The following GOLGA5 variants were observed in gnomAD, a reference collection of about 807,000 sequenced individuals.
GOLGA5 encodes golgin A5, also known as golgin subfamily A member 5.
In GOLGA5, 50 loss-of-function variants were observed where a neutral mutation model predicts 93.5. The ratio of observed to expected loss-of-function variants is 0.53; its 90% confidence interval spans 0.43 to 0.68. GOLGA5 has a LOEUF of 0.68. GOLGA5 is among the 30% of genes least tolerant of loss of function. The probability of loss-of-function intolerance (pLI) is 0.00; values close to 1 mark genes in which losing one functional copy is unlikely to be tolerated. For missense variants in GOLGA5, 760 were observed against 856.4 expected (o/e 0.89, Z 1.40); for synonymous variants, 312 against 304.5 (o/e 1.02, Z -0.26).
chr14:92,828,587 A>G (rs368767119), intron 9 of GOLGA5, among the ~76,000 whole-genome samples: 3 of 151,460 alleles, frequency 2.0e-5, no homozygotes, highest in Non-Finnish European at 3.0e-5. Context: ...ATGAAATCAT[A>G]CCTGCCAATA....
intron 2 of GOLGA5, among the ~76,000 whole-genome samples, chr14:92,800,661 T>C (rs1411568394): frequency 1.3e-5 from 2 of 152,200 alleles, no homozygotes; most frequent in Non-Finnish European, 2.9e-5. Context: ...GCTTCCTGAA[T>C]CGTTATTTTC....
chr14:92,807,191 A>G (rs113080946), intron 3 of GOLGA5, among the ~76,000 whole-genome samples: 9 of 152,244 alleles, frequency 5.9e-5, no homozygotes, highest in Admixed American at 2.0e-4. Context: ...AATCCCAGCC[A>G]CTCAGGAGGC....
intron 12 of GOLGA5, 56 bp downstream of exon 12, chr14:92,837,505 TTTTTG>T: frequency 2.5e-6 from 2 of 790,964 alleles, no homozygotes; most frequent in Non-Finnish European, 2.2e-6. Flanking sequence ...CTAGTTTTTT[TTTTTG>T]TTTGTTTGTT....
In GOLGA5 at chr14:92,839,553, C is replaced by A; in HGVS notation, c.*107C>A. ...AGAACAGTGCACAAGATTATTTTAT[C>A]ACTACAAGCTTTTAACTTTTTAAGT... is the stretch of plus-strand genomic sequence containing the variant. On this transcript the variant is annotated 3_prime_UTR_variant, in exon 13 of 13. Transcript: ENST00000163416. The A allele has an allele frequency of 1.4e-6, 1 of 700,630 alleles. No homozygotes were observed. Among genetic ancestry groups the A allele is most frequent in the Non-Finnish European group, 2.5e-6 (1 of 393,926 alleles). The allele number at this position is 700,630 out of a possible 1,614,324, so 43.4% of individuals were successfully genotyped here. A position where few individuals can be genotyped will look rare whatever the true frequency, so the allele number is the denominator to read the frequency against.
chr14:92,797,445 G>A lies in GOLGA5; in HGVS notation c.8G>A (p.Trp3Ter). The A allele has an allele frequency of 6.2e-7, 1 of 1,604,194 alleles. No individual in the cohort carries two copies. Among genetic ancestry groups the A allele is most frequent in the Non-Finnish European group, 8.5e-7 (1 of 1,175,852 alleles). The part of the protein sequence containing the change: MS[W>*]FVDLAGKAED... ...GATTATCCTGCTGCCATCATGTCTT[G>A]GTTTGTTGATCTTGCTGGAAAGGCA... The change falls in exon 2 of 13, where the codon TGG becomes TAG. Residue 3 changes from tryptophan (W) to a stop codon, truncating the protein, a stop_gained. Transcript: ENST00000163416. LOFTEE classifies it high-confidence loss of function.
At chr14:92,803,687 G>T (rs1195925164) in intron 2 of GOLGA5, among the ~76,000 whole-genome samples, 1 of 152,134 alleles carries the variant, frequency 6.6e-6, no homozygotes, top group Non-Finnish European at 1.5e-5. Context: ...TAATGTAGGG[G>T]TCACAGCTGA....
rs1007613639 is a variant in GOLGA5 at position 92,798,027 on chromosome 14, A to G, written c.544+46A>G. ...TTTCTTTTAGAGTTAAGCAAATTGA[A>G]TGTGTCATCATATGATCCGATGGTG... On this transcript the variant is annotated intron_variant, in intron 2 of 12. Transcript: ENST00000163416. 3 of 1,188,200 alleles carry G rather than the reference A, an allele frequency of 2.5e-6. No homozygotes were observed. The African/African-American group carries it at 4.6e-5, about 18-fold the overall frequency. 73.6% of individuals were successfully genotyped at this position (1,188,200 alleles called of 1,614,324 possible). A position where few individuals can be genotyped will look rare whatever the true frequency, so the allele number is the denominator to read the frequency against.
At position 92,824,485 on chromosome 14, in the gene GOLGA5, A is replaced by G. The variant is rs1885375125; in HGVS notation, c.1621-61A>G. Reference sequence around the variant, plus strand: ...CCATGTGCCAGGCACTGATTTAGGTACTGAGGATGGAATAGGGGACACTTA... The same window carrying G: ...CCATGTGCCAGGCACTGATTTAGGTGCTGAGGATGGAATAGGGGACACTTA... On this transcript the variant is annotated intron_variant, in intron 8 of 12. Coordinates refer to ENST00000163416, the MANE Select transcript of GOLGA5 (RefSeq NM_005113.4). The G allele has an allele frequency of 5.1e-6, 4 of 779,252 alleles. No homozygotes were observed. In the Admixed American group the frequency reaches 8.4e-5, roughly 16 times the overall value. The allele number at this position is 779,252 out of a possible 1,614,324, so 48.3% of individuals were successfully genotyped here. A position where few individuals can be genotyped will look rare whatever the true frequency, so the allele number is the denominator to read the frequency against.
At chr14:92,814,842 A>G (rs1383344966) in intron 6 of GOLGA5, among the ~76,000 whole-genome samples, 1 of 152,198 alleles carries the variant, frequency 6.6e-6, no homozygotes, top group Admixed American at 6.5e-5. Context: ...CTCAGGGGTC[A>G]GAAAACATTG....
chr14:92,823,063 CTG>C lies in GOLGA5; in HGVS notation c.1621-1481_1621-1480del, dbSNP rs1167089002. On this transcript the variant is annotated intron_variant, in intron 8 of 12. Transcript: ENST00000163416. Reference sequence around the variant, plus strand: ...TGTGAAATTATAAAGAAATTTGCCTCTGTAGTTTTCTTCTAGTACTTTTTTGG... The same window carrying C: ...TGTGAAATTATAAAGAAATTTGCCTCTAGTTTTCTTCTAGTACTTTTTTGG... 3.3e-5 allele frequency among the ~76,000 whole-genome samples: 5 copies of C among 152,268 alleles called. No individual in the cohort carries two copies. The East Asian group carries it at 9.7e-4, about 29-fold the overall frequency.
intron 9 of GOLGA5, among the ~76,000 whole-genome samples, chr14:92,829,546 A>T (rs939090891): frequency 1.3e-5 from 2 of 152,206 alleles, no homozygotes; most frequent in Admixed American, 6.5e-5. Context: ...AGAATTAGAA[A>T]TGGAGCCTGA....
At chr14:92,828,234 G>A (rs1001744591) in intron 9 of GOLGA5, among the ~76,000 whole-genome samples, 12 of 152,132 alleles carry the variant, frequency 7.9e-5, no homozygotes, top group Non-Finnish European at 5.9e-5. Context: ...TTCAAAGGAC[G>A]GGCTGACTCT....
At position 92,805,039 on chromosome 14, in the gene GOLGA5, G is replaced by A. The variant is rs188661999; in HGVS notation, c.545-1697G>A. Among the ~76,000 whole-genome samples, 17 of 152,078 alleles carry A rather than the reference G, an allele frequency of 1.1e-4. 1 individual carries two copies. The highest frequency in any genetic ancestry group is 4.8e-5 in the African/African-American group (2 of 41,398). Reference sequence around the variant, plus strand: ...GGTTATTTTTTCTTTTAGGTAAAATGTACATATATTAAGATGCACACAAAT... The same window carrying A: ...GGTTATTTTTTCTTTTAGGTAAAATATACATATATTAAGATGCACACAAAT... On this transcript the variant is annotated intron_variant, in intron 2 of 12. Coordinates refer to ENST00000163416, the MANE Select transcript of GOLGA5 (RefSeq NM_005113.4).
intron 1 of GOLGA5, among the ~76,000 whole-genome samples, chr14:92,796,270 A>G (rs1034890278): frequency 6.6e-6 from 1 of 152,194 alleles, no homozygotes; most frequent in Non-Finnish European, 1.5e-5. Flanking sequence ...GTTTTGCCAT[A>G]TTGGTTATTT....
chr14:92,816,513 AG>A, intron 7 of GOLGA5, 92 bp downstream of exon 7: 1 of 1,040,274 alleles, frequency 9.6e-7, no homozygotes, highest in Non-Finnish European at 1.4e-6. Flanking sequence ...CTAAAGCGAT[AG>A]GTTTCTCGCT....
chr14:92,839,712 T>A lies in GOLGA5; in HGVS notation c.*266T>A, dbSNP rs1802458. ...GTCCTAATATATATGTAGAGAAAGA[T>A]GGTGGGGTTGTTCACCTCTGTACAG... On this transcript the variant is annotated 3_prime_UTR_variant, in exon 13 of 13. Transcript: ENST00000163416. 1 of 504,656 alleles carries A rather than the reference T, an allele frequency of 2.0e-6. No individual in the cohort carries two copies. The highest frequency in any genetic ancestry group is 3.5e-6 in the Non-Finnish European group (1 of 283,126). The allele number at this position is 504,656 out of a possible 1,614,324, so 31.3% of individuals were successfully genotyped here. A position where few individuals can be genotyped will look rare whatever the true frequency, so the allele number is the denominator to read the frequency against.
intron 1 of GOLGA5, among the ~76,000 whole-genome samples, chr14:92,796,863 G>A (rs1161410274): frequency 1.3e-5 from 1 of 78,742 alleles, no homozygotes; most frequent in Non-Finnish European, 2.3e-5. Context: ...CCAGCTACTC[G>A]GGAGGCTGAG....
At chr14:92,821,371 A>G (rs1885314399) in intron 8 of GOLGA5, among the ~76,000 whole-genome samples, 1 of 152,192 alleles carries the variant, frequency 6.6e-6, no homozygotes, top group Non-Finnish European at 1.5e-5. Flanking sequence ...CATGTTCCCA[A>G]GCCAAATTAT....
chr14:92,805,410 G>C (rs557427403), intron 2 of GOLGA5, among the ~76,000 whole-genome samples: 1 of 152,124 alleles, frequency 6.6e-6, no homozygotes, highest in South Asian at 2.1e-4. Context: ...CATTGGGTTT[G>C]TTTCCAGTTT....
Sources: gnomAD v4.1 joint callset for allele counts (sites outside exome capture counted in the v4.1 genomes callset) on GRCh38, gnomAD v4.1.1 for gene constraint, MANE v1.5 for transcripts, NCBI Gene and HGNC (gene_info 2026-07-23, HGNC 2026-07-21) for gene names.